The following METTL21A variants were observed in gnomAD, a reference collection of about 807,000 sequenced individuals.
METTL21A encodes protein N-lysine methyltransferase METTL21A.
A neutral mutation model predicts 20.9 loss-of-function variants in METTL21A; 22 were observed. The observed-to-expected ratio is 1.05, with a 90% CI of 0.75 to 1.50. The LOEUF (loss-of-function observed/expected upper bound fraction) is 1.50, where lower values mean the gene tolerates loss of function less well. Among genes scored for constraint, METTL21A ranks in the 40% most tolerant of loss-of-function variants. The probability of loss-of-function intolerance (pLI) is 0.00; values close to 1 mark genes in which losing one functional copy is unlikely to be tolerated. For missense variants in METTL21A, 271 were observed against 266.8 expected (o/e 1.02, Z -0.11); for synonymous variants, 93 against 102.0 (o/e 0.91, Z 0.53).
At chr2:207,615,922 T>TC (rs1285511093) in intron 3 of METTL21A, among the ~76,000 whole-genome samples, 11 of 151,894 alleles carry the variant, frequency 7.2e-5, no homozygotes, top group South Asian at 4.1e-4. Context: ...GTTTTTTTTT[T>TC]CCCAAACATA....
chr2:207,603,277 G>A (rs1166721341), intron 3 of METTL21A: 1 of 221,378 alleles, frequency 4.5e-6, no homozygotes, highest in Non-Finnish European at 9.0e-6. Context: ...CAGAATAGTA[G>A]CAGTTGCTTT....
chr2:207,625,262 T>TA (rs1297056245), intron 1 of METTL21A: 1 of 152,048 alleles, frequency 6.6e-6, no homozygotes, highest in Non-Finnish European at 1.5e-5. Flanking sequence ...CGCCGGTACT[T>TA]ACGGCCCGGG....
In METTL21A at chr2:207,613,391, T is replaced by C. The variant is rs372818567; in HGVS notation, c.312A>G (p.Ser104=). ...GAGGAGGTAAGTTGGCTTGAACGTT[T>C]GATTTAAGAAATTCTAATGCTACTT... Residue 104 remains serine (S), a synonymous_variant, in exon 4 of 4, where the codon TCA becomes TCG. Coordinates refer to ENST00000406927, the Ensembl canonical transcript of METTL21A. The C allele has an allele frequency of 3.1e-6, 5 of 1,607,912 alleles. No individual in the cohort carries two copies. The African/African-American group carries it at 6.7e-5, about 22-fold the overall frequency.
At chr2:207,623,392 C>G (rs1429495620) in intron 2 of METTL21A, among the ~76,000 whole-genome samples, 1 of 152,154 alleles carries the variant, frequency 6.6e-6, no homozygotes, top group East Asian at 1.9e-4. Context: ...CCCACTGAGT[C>G]CTAGGTGTGG....
At chr2:207,618,662 C>A (rs948091257) in intron 3 of METTL21A, among the ~76,000 whole-genome samples, 1 of 152,042 alleles carries the variant, frequency 6.6e-6, no homozygotes, top group Non-Finnish European at 1.5e-5. Flanking sequence ...GAGCCGAGAT[C>A]GCACCACTGC....
chr2:207,607,123 TCA>T (rs2088230440), downstream of METTL21A, among the ~76,000 whole-genome samples: 1 of 152,154 alleles, frequency 6.6e-6, no homozygotes, highest in Non-Finnish European at 1.5e-5. Flanking sequence ...GCCTGGTGGC[TCA>T]CACCTGTAAT....
chr2:207,596,720 G>A (rs1202874661), intron 3 of METTL21A, among the ~76,000 whole-genome samples: 2 of 152,080 alleles, frequency 1.3e-5, no homozygotes, highest in African/African-American at 2.4e-5. Context: ...GGCGTGAGCC[G>A]CCACGCCTGG....
At chr2:207,592,631 A>C (rs1346585707) in intron 3 of METTL21A, among the ~76,000 whole-genome samples, 2 of 151,838 alleles carry the variant, frequency 1.3e-5, no homozygotes, top group Non-Finnish European at 2.9e-5. Flanking sequence ...TAATTTTAGA[A>C]AATTCTTGGC....
chr2:207,587,181 C>G (rs1248290431), intron 3 of METTL21A, among the ~76,000 whole-genome samples: 1 of 152,110 alleles, frequency 6.6e-6, no homozygotes, highest in East Asian at 1.9e-4. Flanking sequence ...ATCACAAGGT[C>G]AGGAGATCGA....
downstream of METTL21A, among the ~76,000 whole-genome samples, chr2:207,606,642 ACTT>A (rs1358806874): frequency 6.6e-6 from 1 of 152,144 alleles, no homozygotes; most frequent in Non-Finnish European, 1.5e-5. Flanking sequence ...TGAGAAAGCT[ACTT>A]CTCTCTAGGT....
Position 207,581,931 on chromosome 2 carries a change from AT to A in METTL21A, c.*215del, listed in dbSNP as rs1262363138. 5.7e-6 allele frequency: 4 copies of A among 702,804 alleles called. No individual in the cohort carries two copies. The African/African-American group carries it at 7.0e-5, about 12-fold the overall frequency. The allele number at this position is 702,804 out of a possible 1,614,324, so 43.5% of individuals were successfully genotyped here. Reference sequence around the variant, plus strand: ...TCTTTTAGAATATCCCTCAGTTTGCATTTGTCCAGTGTTTTCTATGGATAGA... The same window carrying A: ...TCTTTTAGAATATCCCTCAGTTTGCATTGTCCAGTGTTTTCTATGGATAGA... On this transcript the variant is annotated 3_prime_UTR_variant, in exon 4 of 4. Transcript: ENST00000425132.
chr2:207,582,864 C>A, intron 3 of METTL21A: 1 of 323,004 alleles, frequency 3.1e-6, no homozygotes, highest in Non-Finnish European at 6.2e-6. Context: ...CTACTCCAGC[C>A]TGAGTGACAG....
intron 2 of METTL21A, among the ~76,000 whole-genome samples, 171 bp from the exon 3 acceptor site, chr2:207,622,088 G>A (rs2090557543): frequency 6.6e-6 from 1 of 151,896 alleles, no homozygotes; most frequent in African/African-American, 2.4e-5. Flanking sequence ...CTTAGAGCAA[G>A]CACAGGGTCC....
intron 3 of METTL21A, among the ~76,000 whole-genome samples, chr2:207,582,452 A>G (rs1265084965): frequency 6.6e-6 from 1 of 152,210 alleles, no homozygotes; most frequent in Non-Finnish European, 1.5e-5. Context: ...ATACAGACAC[A>G]TACTTTGGGA....
At chr2:207,587,167 G>A (rs1053731286) in intron 3 of METTL21A, among the ~76,000 whole-genome samples, 1 of 152,170 alleles carries the variant, frequency 6.6e-6, no homozygotes, top group Non-Finnish European at 1.5e-5. Context: ...GCCAAGGCGG[G>A]TGGATCACAA....
intron 2 of METTL21A, among the ~76,000 whole-genome samples, chr2:207,622,412 A>G (rs1041327012): frequency 4.6e-5 from 7 of 152,050 alleles, no homozygotes; most frequent in African/African-American, 1.4e-4. Context: ...CTCCTGCGTC[A>G]GCTTCCCAAA....
chr2:207,588,641 G>T (rs991179714), intron 3 of METTL21A, among the ~76,000 whole-genome samples: 2 of 151,060 alleles, frequency 1.3e-5, no homozygotes, highest in Non-Finnish European at 2.9e-5. Flanking sequence ...CTTAGTTTTT[G>T]ATTCCATGAA....
At chr2:207,597,202 CATTT>C (rs1177182320) in intron 3 of METTL21A, 2 of 873,394 alleles carry the variant, frequency 2.3e-6, no homozygotes, top group African/African-American at 1.8e-5. Flanking sequence ...GAATTTCATT[CATTT>C]GTGCTTTTGC....
chr2:207,616,409 G>A (rs1462244443), intron 3 of METTL21A, among the ~76,000 whole-genome samples: 1 of 152,222 alleles, frequency 6.6e-6, no homozygotes, highest in African/African-American at 2.4e-5. Context: ...CCAGAAGTCT[G>A]AATAGGATCT....
Sources: gnomAD v4.1 joint callset for allele counts (sites outside exome capture counted in the v4.1 genomes callset) on GRCh38, gnomAD v4.1.1 for gene constraint, MANE v1.5 for transcripts, NCBI Gene and HGNC (gene_info 2026-07-23, HGNC 2026-07-21) for gene names.